Variants in VPS41 observed in about 807,000 individuals in gnomAD.
VPS41 encodes the protein VPS41 subunit of HOPS complex.
In VPS41, 85 loss-of-function variants were observed where a neutral mutation model predicts 130.9. The ratio of observed to expected loss-of-function variants is 0.65; its 90% confidence interval spans 0.55 to 0.78. VPS41 has a LOEUF of 0.78. Among genes scored for constraint, VPS41 ranks in the 30% least tolerant of loss-of-function variants. The pLI is 0.00. For synonymous variants in VPS41, 335 were observed against 332.9 expected (o/e 1.01, Z -0.07); for missense variants, 874 against 1,018.7 (o/e 0.86, Z 1.93).
chr7:38,767,681 C>T, intron 14 of VPS41, 83 bp from the exon 15 acceptor site: 1 of 927,328 alleles, frequency 1.1e-6, no homozygotes, highest in South Asian at 1.4e-5. Context: ...CAGGGCATAA[C>T]ATTAGGGTCC....
intron 4 of VPS41, among the ~76,000 whole-genome samples, chr7:38,852,776 A>T (rs933998405): frequency 6.6e-6 from 1 of 152,178 alleles, no homozygotes; most frequent in African/African-American, 2.4e-5. Flanking sequence ...AACAAACTCA[A>T]GCTTAAAATT....
chr7:38,798,496 T>C (rs1173665641), intron 7 of VPS41, among the ~76,000 whole-genome samples: 3 of 152,150 alleles, frequency 2.0e-5, no homozygotes, highest in South Asian at 2.1e-4. Flanking sequence ...TTTCACCATG[T>C]TGGCCAGACT....
intron 1 of VPS41, among the ~76,000 whole-genome samples, chr7:38,901,934 T>A (rs982785218): frequency 1.3e-5 from 2 of 152,208 alleles, no homozygotes; most frequent in Non-Finnish European, 2.9e-5. Flanking sequence ...TGTATTTTAC[T>A]ATAATAAAGT....
At chr7:38,853,438 A>AAAG (rs1785909247) in intron 4 of VPS41, among the ~76,000 whole-genome samples, 2 of 151,550 alleles carry the variant, frequency 1.3e-5, no homozygotes, top group African/African-American at 4.8e-5. Context: ...AAAAAAAAAA[A>AAAG]AAAGTATCAC....
intron 2 of VPS41, among the ~76,000 whole-genome samples, chr7:38,877,190 A>G (rs1326362035): frequency 1.3e-5 from 2 of 152,198 alleles, no homozygotes; most frequent in African/African-American, 2.4e-5. Flanking sequence ...CGTATGTAGT[A>G]ACAGCAGACC....
intron 13 of VPS41, among the ~76,000 whole-genome samples, chr7:38,771,546 T>G (rs1033859598): frequency 1.3e-5 from 2 of 152,176 alleles, no homozygotes; most frequent in African/African-American, 4.8e-5. Flanking sequence ...ATTAGGACAA[T>G]GGAATCACAT....
intron 2 of VPS41, among the ~76,000 whole-genome samples, chr7:38,894,016 A>G (rs1213585842): frequency 2.0e-5 from 3 of 152,248 alleles, no homozygotes; most frequent in African/African-American, 7.2e-5. Context: ...TCATAAAATG[A>G]TATATAAATT....
chr7:38,843,619 T>C (rs1785660273), intron 4 of VPS41, among the ~76,000 whole-genome samples: 1 of 151,914 alleles, frequency 6.6e-6, no homozygotes, highest in Non-Finnish European at 1.5e-5. Flanking sequence ...GAGGCGGAGC[T>C]TTTAGTGAGC....
intron 20 of VPS41, 24 bp from the exon 21 acceptor site, chr7:38,754,776 A>T: frequency 6.2e-7 from 1 of 1,608,200 alleles, no homozygotes. Context: ...AAAAGTTTCA[A>T]GGTGGAGTCA....
At chr7:38,881,926 A>G (rs898725579) in intron 2 of VPS41, among the ~76,000 whole-genome samples, 1 of 152,200 alleles carries the variant, frequency 6.6e-6, no homozygotes, top group Non-Finnish European at 1.5e-5. Context: ...TAGCAGCAGC[A>G]GCATGCTTTC....
intron 4 of VPS41, among the ~76,000 whole-genome samples, chr7:38,836,181 T>C (rs1584419866): frequency 6.6e-6 from 1 of 152,086 alleles, no homozygotes; most frequent in East Asian, 1.9e-4. Context: ...TATTATTTGC[T>C]ATATTACTCA....
intron 1 of VPS41, among the ~76,000 whole-genome samples, chr7:38,898,565 G>C (rs1234801663): frequency 6.6e-6 from 1 of 152,152 alleles, no homozygotes; most frequent in African/African-American, 2.4e-5. Flanking sequence ...TAAAATGACT[G>C]TCTTGCTAAA....
At chr7:38,888,633 C>G (rs1379775318) in intron 2 of VPS41, among the ~76,000 whole-genome samples, 1 of 152,124 alleles carries the variant, frequency 6.6e-6, no homozygotes, top group African/African-American at 2.4e-5. Flanking sequence ...AGAAAATTAA[C>G]AAGGATATCC....
chr7:38,774,085 CA>C, intron 12 of VPS41, 29 bp downstream of exon 12: 1 of 1,549,712 alleles, frequency 6.5e-7, no homozygotes, highest in Non-Finnish European at 8.8e-7. Context: ...ATTAAAAAAG[CA>C]TATCAGCCAG....
intron 25 of VPS41, among the ~76,000 whole-genome samples, chr7:38,736,691 T>A (rs1199114998): frequency 1.3e-5 from 2 of 152,172 alleles, no homozygotes; most frequent in African/African-American, 4.8e-5. Flanking sequence ...TCCCTTTTTA[T>A]CCAGAGATAA....
chr7:38,856,008 C>T (rs1785974344), intron 4 of VPS41, among the ~76,000 whole-genome samples: 1 of 152,138 alleles, frequency 6.6e-6, no homozygotes, highest in Non-Finnish European at 1.5e-5. Flanking sequence ...TGAGGGTTCT[C>T]TTCCTGGTTT....
rs1368304867 is a variant in VPS41, at chr7:38,756,996, T to A, written c.1551-14A>T. ...TCATAGGTGTACCTGGTAATACAAA[T>A]TTTTTACATTAATATTCATCAACAG... On this transcript the variant is annotated splice_polypyrimidine_tract_variant and intron_variant, in intron 18 of 28. Transcript: ENST00000310301. The A allele has an allele frequency of 1.9e-6, 3 of 1,562,902 alleles. No individual in the cohort carries two copies. The highest frequency in any genetic ancestry group is 2.7e-5 in the African/African-American group (2 of 74,036).
intron 25 of VPS41, among the ~76,000 whole-genome samples, chr7:38,739,762 T>C (rs953405947): frequency 6.6e-6 from 1 of 152,124 alleles, no homozygotes; most frequent in African/African-American, 2.4e-5. Flanking sequence ...GGTTGGGGGA[T>C]TCACAGGCAA....
intron 4 of VPS41, among the ~76,000 whole-genome samples, chr7:38,845,488 G>A (rs1397357318): frequency 1.3e-5 from 2 of 152,158 alleles, no homozygotes; most frequent in East Asian, 3.9e-4. Context: ...TCTAGAGTTG[G>A]AGCTCATTTT....
Sources: allele counts gnomAD v4.1 joint callset (sites outside exome capture counted in the v4.1 genomes callset), GRCh38; gene constraint gnomAD v4.1.1; transcripts MANE v1.5; gene names NCBI Gene and HGNC (gene_info 2026-07-23, HGNC 2026-07-21).